ZNF827: variants seen among roughly 807,000 people sequenced by gnomAD.
ZNF827 encodes zinc finger protein 827.
In ZNF827, 13 loss-of-function variants were observed where a neutral mutation model predicts 102.4. That is an observed-to-expected ratio of 0.13 (90% CI 0.08 to 0.20). The LOEUF is 0.20. Ranked by LOEUF, ZNF827 falls within the 10% of genes least tolerant of loss-of-function variation. The probability of loss-of-function intolerance (pLI) is 1.00; values close to 1 mark genes in which losing one functional copy is unlikely to be tolerated. For synonymous variants in ZNF827, 523 were observed against 536.2 expected (o/e 0.98, Z 0.34); for missense variants, 1,103 against 1,344.4 (o/e 0.82, Z 2.81).
intron 8 of ZNF827, among the ~76,000 whole-genome samples, chr4:145,794,623 T>C (rs1369562030): frequency 6.6e-6 from 1 of 151,650 alleles, no homozygotes; most frequent in East Asian, 1.9e-4. Flanking sequence ...TAGGATGGGA[T>C]GGGATGGGAA....
chr4:145,762,280 AG>A lies in ZNF827; in HGVS notation c.*18-683del, dbSNP rs1179593537. On this transcript the variant is annotated intron_variant, in intron 14 of 14. Coordinates refer to ENST00000508784, the MANE Select transcript of ZNF827 (RefSeq NM_001306215.2). The surrounding 1 kb of genome is among the most constrained non-coding windows in gnomAD (Gnocchi z 4.9). ...AGGAAAGGAAGCTGAGGACTATGGC[AG>A]GGGCATGGGAGGAGAAGGAAGCCCA... Among the ~76,000 whole-genome samples the A allele has an allele frequency of 9.9e-5, 15 of 152,154 alleles. No homozygotes were observed. Among genetic ancestry groups the A allele is most frequent in the African/African-American group, 3.6e-4 (15 of 41,422 alleles).
At chr4:145,835,499 C>T (rs1296035246) in intron 7 of ZNF827, among the ~76,000 whole-genome samples, 5 of 150,586 alleles carry the variant, frequency 3.3e-5, no homozygotes, top group South Asian at 2.2e-4. Flanking sequence ...TGCCCAGTTC[C>T]CTTATTAGGC....
chr4:145,876,726 T>C (rs1203140461), intron 4 of ZNF827: 1 of 152,200 alleles, frequency 6.6e-6, no homozygotes, highest in Non-Finnish European at 1.5e-5. Flanking sequence ...GACACAGAAT[T>C]ACAGATGGCT....
intron 7 of ZNF827, among the ~76,000 whole-genome samples, chr4:145,825,375 A>G (rs964249851): frequency 3.3e-5 from 5 of 152,170 alleles, no homozygotes; most frequent in Non-Finnish European, 7.3e-5. Flanking sequence ...GCAGTGTCTT[A>G]AGTAAGGGGG....
At chr4:145,927,527 G>A (rs1045034215) in intron 1 of ZNF827, among the ~76,000 whole-genome samples, 1 of 152,148 alleles carries the variant, frequency 6.6e-6, no homozygotes, top group Non-Finnish European at 1.5e-5. Flanking sequence ...AAATACTATT[G>A]GCAGCAGAGG....
In ZNF827 at chr4:145,763,989, C is replaced by T. The variant is rs1290169343; in HGVS notation, c.3231-867G>A. ...CCAACCTGCACTGACCCCAACACTCCACTCCCAGGGTCTTTTCCATCTCTC... is the reference window on the plus strand; with the variant it reads ...CCAACCTGCACTGACCCCAACACTCTACTCCCAGGGTCTTTTCCATCTCTC... On this transcript the variant is annotated intron_variant, in intron 13 of 14. Coordinates refer to ENST00000508784, the MANE Select transcript of ZNF827 (RefSeq NM_001306215.2). The surrounding 1 kb of genome is among the most constrained non-coding windows in gnomAD (Gnocchi z 4.6). 2.0e-5 allele frequency among the ~76,000 whole-genome samples: 3 copies of T among 152,166 alleles called. No individual in the cohort carries two copies. The East Asian group carries it at 5.8e-4, about 29-fold the overall frequency.
At chr4:145,873,741 T>C (rs1748909807) in intron 4 of ZNF827, among the ~76,000 whole-genome samples, 1 of 152,210 alleles carries the variant, frequency 6.6e-6, no homozygotes, top group Non-Finnish European at 1.5e-5. Flanking sequence ...TTCTCCCCTT[T>C]GCACCTTTCC....
At chr4:145,883,792 T>C (rs976477030) in intron 4 of ZNF827, among the ~76,000 whole-genome samples, 1 of 152,100 alleles carries the variant, frequency 6.6e-6, no homozygotes, top group African/African-American at 2.4e-5. Context: ...GTGATGTGAA[T>C]ATGTCATTTG....
At position 145,761,487 on chromosome 4, in the gene ZNF827, G is replaced by A. The variant is rs375750847; in HGVS notation, c.*129C>T. ...GGGTGTGCGTCTCCAGCTCCAGCTGGTTGGCCTTCACCGTCTGGCAGATCC... is the reference window on the plus strand; with the variant it reads ...GGGTGTGCGTCTCCAGCTCCAGCTGATTGGCCTTCACCGTCTGGCAGATCC... On this transcript the variant is annotated 3_prime_UTR_variant, in exon 15 of 15. Coordinates refer to ENST00000508784, the MANE Select transcript of ZNF827 (RefSeq NM_001306215.2). This position sits in a 1 kb window ranked among gnomAD's most constrained non-coding sequence, Gnocchi z 6.8. 1 of 1,289,742 alleles carries A rather than the reference G, an allele frequency of 7.8e-7. No homozygotes were observed. Among genetic ancestry groups the A allele is most frequent in the East Asian group, 5.5e-5 (1 of 18,032 alleles). 79.9% of individuals were successfully genotyped at this position (1,289,742 alleles called of 1,614,324 possible).
At chr4:145,900,867 C>A (rs1751355700) in intron 2 of ZNF827, among the ~76,000 whole-genome samples, 1 of 152,120 alleles carries the variant, frequency 6.6e-6, no homozygotes, top group South Asian at 2.1e-4. Context: ...CTCCTTATTT[C>A]ACCAGATGGC....
chr4:145,799,230 A>G (rs1275964426), intron 8 of ZNF827, among the ~76,000 whole-genome samples: 2 of 152,252 alleles, frequency 1.3e-5, no homozygotes, highest in African/African-American at 2.4e-5. Flanking sequence ...TGTGTGCTGA[A>G]TAAGTTAAGG....
intron 1 of ZNF827, among the ~76,000 whole-genome samples, chr4:145,907,810 G>C (rs751825046): frequency 2.0e-5 from 3 of 152,214 alleles, no homozygotes; most frequent in African/African-American, 4.8e-5. Flanking sequence ...TTACACAACA[G>C]TCTGTTTTTG....
At chr4:145,770,005 C>T (rs1735998639) in intron 11 of ZNF827, among the ~76,000 whole-genome samples, 2 of 152,116 alleles carry the variant, frequency 1.3e-5, no homozygotes, top group African/African-American at 4.8e-5. Context: ...AGAATAAAGA[C>T]TCTAGATCCA....
chr4:145,781,275 C>G (rs952230231), intron 8 of ZNF827, among the ~76,000 whole-genome samples: 16 of 134,078 alleles, frequency 1.2e-4, no homozygotes, highest in Non-Finnish European at 6.5e-5. Context: ...GAGATAACAT[C>G]AGAAGAAAAA....
chr4:145,760,720 GTTTTT>G lies in ZNF827; in HGVS notation c.*891_*895del, dbSNP rs10715391. The stretch of plus-strand genomic sequence containing the variant: ...GCTGGGGTTGTGTTTAAGTTTTGTG[GTTTTT>G]TTTTTTTTTTTTGTCTTTTGTCTCT... On this transcript the variant is annotated 3_prime_UTR_variant, in exon 15 of 15. Transcript: ENST00000508784. 2.5e-4 allele frequency: 176 copies of G among 706,154 alleles called. No individual in the cohort carries two copies. Among genetic ancestry groups the G allele is most frequent in the Non-Finnish European group, 2.9e-4 (166 of 575,844 alleles). 43.7% of individuals were successfully genotyped at this position (706,154 alleles called of 1,614,324 possible). A position where few individuals can be genotyped will look rare whatever the true frequency, so the allele number is the denominator to read the frequency against.
chr4:145,853,848 C>T (rs1223869929), intron 5 of ZNF827, among the ~76,000 whole-genome samples: 2 of 151,446 alleles, frequency 1.3e-5, no homozygotes, highest in African/African-American at 4.9e-5. Context: ...GCTTGTAGTC[C>T]CAGCTATTTG....
At chr4:145,796,560 G>A (rs1560934604) in intron 8 of ZNF827, among the ~76,000 whole-genome samples, 1 of 151,740 alleles carries the variant, frequency 6.6e-6, no homozygotes, top group Non-Finnish European at 1.5e-5. Flanking sequence ...ACAATTTACT[G>A]AGAGCTAATG....
At chr4:145,932,898 T>C (rs1276177372) in intron 1 of ZNF827, among the ~76,000 whole-genome samples, 3 of 152,200 alleles carry the variant, frequency 2.0e-5, no homozygotes, top group African/African-American at 7.2e-5. Flanking sequence ...GACAGAGATT[T>C]TCTACATTTC....
intron 4 of ZNF827, among the ~76,000 whole-genome samples, chr4:145,879,524 G>C (rs1291175302): frequency 6.6e-6 from 1 of 152,138 alleles, no homozygotes; most frequent in Non-Finnish European, 1.5e-5. Context: ...TGGCAATTCT[G>C]GAACTAGGTA....
Sources: allele counts gnomAD v4.1 joint callset (sites outside exome capture counted in the v4.1 genomes callset), GRCh38; gene constraint gnomAD v4.1.1; non-coding constraint Gnocchi (gnomAD v3.1); transcripts MANE v1.5; gene names NCBI Gene and HGNC (gene_info 2026-07-23, HGNC 2026-07-21).